The following NEB variants were observed in gnomAD, a reference collection of about 807,000 sequenced individuals.
NEB encodes the protein nemaline myopathy type 2.
A neutral mutation model predicts 952.2 loss-of-function variants in NEB; 512 were observed. The observed-to-expected ratio is 0.54, with a 90% CI of 0.50 to 0.58. The LOEUF (loss-of-function observed/expected upper bound fraction) is 0.58. Ranked by LOEUF, NEB falls within the 20% of genes least tolerant of loss-of-function variation. The pLI, the probability that NEB is intolerant of heterozygous loss-of-function variation, is 0.00. For synonymous variants in NEB, 2,900 were observed against 3,149.8 expected, an observed-to-expected ratio of 0.92 and a Z score of 2.66; for missense variants, 8,428 against 9,231.1, an observed-to-expected ratio of 0.91 and a Z score of 3.56.
intron 70 of NEB, among the ~76,000 whole-genome samples, chr2:151,626,621 C>A (rs947005465): frequency 2.0e-5 from 3 of 151,910 alleles, no homozygotes; most frequent in African/African-American, 7.3e-5. Flanking sequence ...ACTACGAGCT[C>A]CGCCTCTCAG....
chr2:151,541,336 T>G (rs761025768), intron 136 of NEB, 111 bp downstream of exon 136: 13 of 719,406 alleles, frequency 1.8e-5, no homozygotes, highest in Non-Finnish European at 3.1e-5. Context: ...GGCATGAGGT[T>G]GCAGCCAGGA....
Position 151,625,582 on chromosome 2 carries a change from A to T in NEB, c.10404T>A (p.Asp3468Glu). The T allele has an allele frequency of 1.2e-6, 2 of 1,606,994 alleles. No individual in the cohort carries two copies. Among genetic ancestry groups the T allele is most frequent in the South Asian group, 1.1e-5 (1 of 90,206 alleles). ...KDKTQVHIMP[D>E]TPEIMLARQN... ...GTCTTGCCAACATGATTTCAGGTGT[A>T]TCAGGCATAATATGGACTTGGGTCT... is the stretch of plus-strand genomic sequence containing the variant. The change falls in exon 71 of 182, where the codon GAT becomes GAA. Residue 3468 changes from aspartate to glutamate, a missense_variant. Physicochemically the swap from Asp to Glu is conservative, Grantham distance 45. Around this residue, in one of 11 missense-constraint regions of NEB, gnomAD observed 1,772 missense variants for 1,960.3 expected, o/e 0.90. Coordinates refer to ENST00000397345, the MANE Select transcript of NEB (RefSeq NM_001164508.2).
intron 138 of NEB, 124 bp downstream of exon 138, chr2:151,540,219 AT>A: frequency 1.9e-6 from 1 of 537,462 alleles, no homozygotes; most frequent in East Asian, 3.2e-5. Flanking sequence ...CTTTAAAAAA[AT>A]GTGTGTTTTT....
At chr2:151,676,547 G>A (rs139463983) in intron 34 of NEB, among the ~76,000 whole-genome samples, 21 of 152,100 alleles carry the variant, frequency 1.4e-4, no homozygotes, top group African/African-American at 4.8e-4. Flanking sequence ...ATTAGCATAC[G>A]AGTCCCTTAC....
At position 151,576,296 on chromosome 2, in the gene NEB, G is replaced by T; in HGVS notation, c.16763C>A (p.Ser5588Tyr). 1.2e-6 allele frequency: 2 copies of T among 1,609,808 alleles called. No individual in the cohort carries two copies. The highest frequency in any genetic ancestry group is 1.7e-6 in the Non-Finnish European group (2 of 1,177,316). Residue 5588 changes from serine to tyrosine, a missense_variant, in exon 106 of 182, where the codon TCT (serine) becomes TAT (tyrosine). By Grantham distance (144) the Ser-to-Tyr change is moderately radical (BLOSUM62 -2). Coordinates refer to ENST00000397345, the MANE Select transcript of NEB (RefSeq NM_001164508.2). The stretch of plus-strand genomic sequence containing the variant: ...GTTTTTGACTCTCAACACTTCAGGA[G>T]ACCCTTGGGGCATCCAGCCAATGCC... ...LRGIGWMPQG[S>Y]PEVLRVKNAQ...
intron 77 of NEB, among the ~76,000 whole-genome samples, chr2:151,613,792 T>C (rs1466459599): frequency 6.6e-6 from 1 of 152,170 alleles, no homozygotes; most frequent in Non-Finnish European, 1.5e-5. Flanking sequence ...CTCCACCATG[T>C]GAAGATGTGC....
chr2:151,633,704 C>A lies in NEB; in HGVS notation c.9364G>T (p.Asp3122Tyr), dbSNP rs771456668. Residue 3122 changes from aspartate to tyrosine, a missense_variant, in exon 65 of 182, where the codon GAC (aspartate) becomes TAC (tyrosine). This residue lies in a region of NEB where 1,772 missense variants were observed against 1,960.3 expected (regional missense o/e 0.90). Transcript: ENST00000397345. The part of the protein sequence containing the change: ...NYLHEWTCLP[D>Y]QSDVIHARQA... ...CGAGCATGGATGACATCGCTCTGGT[C>A]AGGCAGGCATGTCCACTCGTGCAGG... The A allele has an allele frequency of 1.4e-5, 22 of 1,613,946 alleles. No homozygotes were observed. The highest frequency in any genetic ancestry group is 1.7e-4 in the Middle Eastern group (1 of 6,060).
rs1218623533 is a variant in NEB, at chr2:151,557,502, T to C, written c.19315-2458A>G. Among the ~76,000 whole-genome samples, 4 of 152,108 alleles carry C rather than the reference T, an allele frequency of 2.6e-5. No individual in the cohort carries two copies. The East Asian group carries it at 7.7e-4, about 29-fold the overall frequency. On this transcript the variant is annotated intron_variant, in intron 124 of 181. Coordinates refer to ENST00000397345, the MANE Select transcript of NEB (RefSeq NM_001164508.2). ...CAAACAACAGAAAAAGAGAGAATCC[T>C]CCCTAACTCATTTTATGAGGCCGGC...
rs1553905611 is a variant in NEB, at chr2:151,617,487, A to AGAGAGAG, written c.11077-20_11077-19insCTCTCTC. ...ATAAGCGCTACAAAAAAAAAAAAAA[A>AGAGAGAG]AGAGAGAGAGAGAGAGAAAAATTAT... On this transcript the variant is annotated intron_variant, in intron 74 of 181. Transcript: ENST00000397345. 105 of 1,035,928 alleles carry AGAGAGAG rather than the reference A, an allele frequency of 1.0e-4. No homozygotes were observed. The highest frequency in any genetic ancestry group is 1.2e-4 in the Non-Finnish European group (90 of 737,998). The allele number at this position is 1,035,928 out of a possible 1,614,324, so 64.2% of individuals were successfully genotyped here. A position where few individuals can be genotyped will look rare whatever the true frequency, so the allele number is the denominator to read the frequency against.
chr2:151,690,729 C>T lies in NEB; in HGVS notation c.2308G>A (p.Asp770Asn), dbSNP rs776552070. 1 of 1,583,144 alleles carries T rather than the reference C, an allele frequency of 6.3e-7. No individual in the cohort carries two copies. The highest frequency in any genetic ancestry group is 1.7e-4 in the Middle Eastern group (1 of 6,024). ...QAQLNTKQLS[D>N]LNYKAKHEGE... ...CTTGCATAAATCAAAGCACTTACAT[C>T]ACTAAGCTGTTTCGTGTTGAGCTGG... The change falls in exon 24 of 182, where the codon GAT (aspartate) becomes AAT (asparagine). Residue 770 changes from aspartate (D) to asparagine (N), a missense_variant and splice_region_variant. Around this residue, in one of 11 missense-constraint regions of NEB, gnomAD observed 2,851 missense variants for 2,791.5 expected, o/e 1.02. Transcript: ENST00000397345.
intron 39 of NEB, 63 bp from the exon 40 acceptor site, chr2:151,667,974 C>T (rs1297797244): frequency 1.4e-5 from 18 of 1,286,062 alleles, no homozygotes; most frequent in Non-Finnish European, 1.8e-5. Flanking sequence ...AAACAGAATG[C>T]CAAAATGTTT....
chr2:151,649,236 A>G (rs955105219), intron 54 of NEB, among the ~76,000 whole-genome samples: 4 of 152,212 alleles, frequency 2.6e-5, no homozygotes, highest in African/African-American at 9.6e-5. Context: ...CTGACAGGTC[A>G]GCATTTACTA....
chr2:151,565,049 T>C lies in NEB; in HGVS notation c.18466A>G (p.Ser6156Gly). ...TTACATAAAAGAGAACTTACAGTAC[T>C]GTAGAGTTTTCCCATGTCTTTGGAG... ...SHSKDMGKLY[S>G]TILYKGAWEG... Residue 6156 changes from serine (S) to glycine (G), a missense_variant, in exon 117 of 182, where the codon AGT (serine) becomes GGT (glycine). Coordinates refer to ENST00000397345, the MANE Select transcript of NEB (RefSeq NM_001164508.2). 6.4e-7 allele frequency: 1 copy of C among 1,551,132 alleles called. No individual in the cohort carries two copies. The highest frequency in any genetic ancestry group is 8.9e-7 in the Non-Finnish European group (1 of 1,126,772).
Position 151,516,648 on chromosome 2 carries a change from G to A in NEB, c.22801-85C>T, listed in dbSNP as rs2077861124. ...AAGGATAGTATTTTTTAATTGATAT[G>A]TTCTGTCAATTGGATGGCATCTCAT... On this transcript the variant is annotated intron_variant, in intron 156 of 181. Transcript: ENST00000397345. The A allele has an allele frequency of 2.6e-5, 23 of 882,590 alleles. No individual in the cohort carries two copies. The Middle Eastern group carries it at 6.7e-4, about 26-fold the overall frequency. 54.7% of individuals were successfully genotyped at this position (882,590 alleles called of 1,614,324 possible). A position where few individuals can be genotyped will look rare whatever the true frequency, so the allele number is the denominator to read the frequency against.
chr2:151,619,592 G>T lies in NEB; in HGVS notation c.10731C>A (p.Asp3577Glu). ...TCTTGGCCAAAACGATACCAAGCATGTCCACTGGGCTGCTGTACCTTGTCT... is the reference window on the plus strand; with the variant it reads ...TCTTGGCCAAAACGATACCAAGCATTTCCACTGGGCTGCTGTACCTTGTCT... The part of the protein sequence containing the change: ...KYKTRYSSPV[D>E]MLGIVLAKKC... The change falls in exon 73 of 182, where the codon GAC (aspartate) becomes GAA (glutamate). Residue 3577 changes from aspartate to glutamate, a missense_variant. Physicochemically the swap from Asp to Glu is conservative, Grantham distance 45. This residue lies in a region of NEB where 1,772 missense variants were observed against 1,960.3 expected (regional missense o/e 0.90). Coordinates refer to ENST00000397345, the MANE Select transcript of NEB (RefSeq NM_001164508.2). The T allele has an allele frequency of 6.2e-7, 1 of 1,613,952 alleles. No homozygotes were observed. The highest frequency in any genetic ancestry group is 1.3e-5 in the African/African-American group (1 of 75,036).
chr2:151,635,834 T>TA (rs2098751773), intron 64 of NEB, among the ~76,000 whole-genome samples: 2 of 152,192 alleles, frequency 1.3e-5, no homozygotes, highest in African/African-American at 2.4e-5. Context: ...ATACTATCTA[T>TA]TCAAATGTTA....
Position 151,665,472 on chromosome 2 carries a change from T to C in NEB, c.5099A>G (p.Glu1700Gly). 1 of 1,613,060 alleles carries C rather than the reference T, an allele frequency of 6.2e-7. No homozygotes were observed. Among genetic ancestry groups the C allele is most frequent in the Non-Finnish European group, 8.5e-7 (1 of 1,179,590 alleles). The change falls in exon 42 of 182, where the codon GAG (glutamate) becomes GGG (glycine). Residue 1700 changes from glutamate (E) to glycine (G), a missense_variant. Transcript: ENST00000397345. ...GIGWVPIESL[E>G]VEKAKKAGEI... ...TCCTGCTTTCTTTGCCTTCTCCACC[T>C]CCAGGGACTCTATGGGCACCCAGCC...
intron 145 of NEB, among the ~76,000 whole-genome samples, chr2:151,529,764 G>T (rs1465023331): frequency 6.6e-6 from 1 of 152,144 alleles, no homozygotes; most frequent in Non-Finnish European, 1.5e-5. Flanking sequence ...CGTGACCTCA[G>T]GTGATCCCGC....
chr2:151,541,631 A>T, intron 135 of NEB, 80 bp from the exon 136 acceptor site: 1 of 1,134,546 alleles, frequency 8.8e-7, no homozygotes, highest in Non-Finnish European at 1.3e-6. Flanking sequence ...CACTGCTTTT[A>T]CATAGAAAAG....
Sources: gnomAD v4.1 joint callset for allele counts (sites outside exome capture counted in the v4.1 genomes callset) on GRCh38, gnomAD v4.1.1 for gene constraint, gnomAD v4.1.1 regional missense constraint, MANE v1.5 for transcripts, NCBI Gene and HGNC (gene_info 2026-07-23, HGNC 2026-07-21) for gene names.